TAFA2: variants seen among roughly 807,000 people sequenced by gnomAD.
TAFA2 encodes TAFA chemokine like family member 2.
In TAFA2, 7 loss-of-function variants were observed where a neutral mutation model predicts 18.8. The observed-to-expected ratio is 0.37, with a 90% CI of 0.21 to 0.70. The LOEUF (loss-of-function observed/expected upper bound fraction) is 0.70. Ranked by LOEUF, TAFA2 falls within the 30% of genes least tolerant of loss-of-function variation. TAFA2 has a pLI of 0.53. For missense variants in TAFA2, 122 were observed against 158.1 expected, an observed-to-expected ratio of 0.77 and a Z score of 1.23; for synonymous variants, 60 against 54.2, an observed-to-expected ratio of 1.11 and a Z score of -0.47.
At chr12:61,917,387 C>T (rs1437732689) in intron 1 of TAFA2, among the ~76,000 whole-genome samples, 1 of 152,112 alleles carries the variant, frequency 6.6e-6, no homozygotes, top group East Asian at 1.9e-4. Context: ...TTATATCCAG[C>T]TCTTTGTGTA....
At chr12:62,120,252 T>C (rs1870133910) in intron 1 of TAFA2, among the ~76,000 whole-genome samples, 1 of 152,202 alleles carries the variant, frequency 6.6e-6, no homozygotes, top group Non-Finnish European at 1.5e-5. Context: ...ACAACTGATA[T>C]ACCCACAAAT....
At chr12:61,962,864 A>G (rs1034441549) in intron 1 of TAFA2, among the ~76,000 whole-genome samples, 3 of 151,892 alleles carry the variant, frequency 2.0e-5, no homozygotes, top group African/African-American at 4.8e-5. Context: ...CCCATCATCT[A>G]CATTAGGTAT....
At chr12:61,905,627 C>T (rs940233815) in intron 1 of TAFA2, among the ~76,000 whole-genome samples, 2 of 152,082 alleles carry the variant, frequency 1.3e-5, no homozygotes, top group African/African-American at 4.8e-5. Flanking sequence ...ATCATTGTTA[C>T]ATATATCAAA....
At chr12:61,795,554 G>A (rs1254443516) in intron 2 of TAFA2, among the ~76,000 whole-genome samples, 1 of 151,940 alleles carries the variant, frequency 6.6e-6, no homozygotes, top group Non-Finnish European at 1.5e-5. Context: ...CACAGGAAGG[G>A]GAACAACACA....
chr12:61,950,280 C>T (rs1878420200), intron 1 of TAFA2, among the ~76,000 whole-genome samples: 2 of 152,064 alleles, frequency 1.3e-5, no homozygotes, highest in African/African-American at 4.8e-5. Context: ...GGTCTATACC[C>T]AAAAACAAAA....
chr12:62,224,659 A>G (rs1243666920), intron 1 of TAFA2, among the ~76,000 whole-genome samples: 1 of 151,834 alleles, frequency 6.6e-6, no homozygotes, highest in Non-Finnish European at 1.5e-5. Flanking sequence ...ATTAAAATTC[A>G]TAGACACAAA....
intron 1 of TAFA2, among the ~76,000 whole-genome samples, chr12:62,201,079 G>A (rs1001956349): frequency 6.6e-6 from 1 of 152,082 alleles, no homozygotes; most frequent in Non-Finnish European, 1.5e-5. Context: ...TGTGATTTTT[G>A]TATGTTTATT....
intron 2 of TAFA2, among the ~76,000 whole-genome samples, chr12:61,786,872 A>C (rs1390334024): frequency 6.6e-6 from 1 of 151,630 alleles, no homozygotes; most frequent in Non-Finnish European, 1.5e-5. Context: ...AAAAAGTTAT[A>C]GCTAACAAGC....
intron 1 of TAFA2, among the ~76,000 whole-genome samples, chr12:61,947,661 T>TA (rs1347452098): frequency 6.6e-6 from 1 of 152,112 alleles, no homozygotes; most frequent in African/African-American, 2.4e-5. Flanking sequence ...TTCAAAGTTC[T>TA]ACTCCAACAA....
intron 1 of TAFA2, among the ~76,000 whole-genome samples, chr12:62,249,510 C>T (rs1189436223): frequency 6.6e-6 from 1 of 152,130 alleles, no homozygotes; most frequent in East Asian, 1.9e-4. Context: ...CACCTCTCCC[C>T]ACGCTCTCCC....
intron 1 of TAFA2, among the ~76,000 whole-genome samples, chr12:62,103,348 A>C (rs1869292633): frequency 6.6e-6 from 1 of 152,140 alleles, no homozygotes; most frequent in Non-Finnish European, 1.5e-5. Flanking sequence ...TCACACACTT[A>C]CCCCATCAGA....
rs772041207 is a variant in TAFA2, at chr12:61,753,625, A to C, written c.381T>G (p.Thr127=). Residue 127 remains threonine, a synonymous_variant, in exon 4 of 5, where the codon ACT becomes ACG. Coordinates refer to ENST00000416284, the MANE Select transcript of TAFA2 (RefSeq NM_178539.5). ...CCCAAGCTTGCTGTCCACTTACCCT[A>C]GTTGTTTTGACTTTATTCCCAGAGG... is the stretch of plus-strand genomic sequence containing the variant. ...SCSSGNKVKT[T]RVTH 18 of 1,611,616 alleles carry C rather than the reference A, an allele frequency of 1.1e-5. No individual in the cohort carries two copies. The highest frequency in any genetic ancestry group is 1.5e-5 in the Non-Finnish European group (18 of 1,178,552).
intron 1 of TAFA2, among the ~76,000 whole-genome samples, chr12:61,940,780 G>C (rs1355827813): frequency 6.6e-6 from 1 of 152,166 alleles, no homozygotes; most frequent in Non-Finnish European, 1.5e-5. Flanking sequence ...GTGTAGAATG[G>C]AGGAAGAAGG....
chr12:61,713,384 G>A (rs1869503869), intron 4 of TAFA2, among the ~76,000 whole-genome samples: 1 of 152,192 alleles, frequency 6.6e-6, no homozygotes, highest in African/African-American at 2.4e-5. Context: ...GAGACTGCAT[G>A]ATTCACAAAT....
intron 2 of TAFA2, among the ~76,000 whole-genome samples, chr12:61,779,018 T>G (rs1870392540): frequency 6.6e-6 from 1 of 151,870 alleles, no homozygotes; most frequent in Non-Finnish European, 1.5e-5. Context: ...AATCTTTCTG[T>G]AAATAAAAGG....
intron 1 of TAFA2, among the ~76,000 whole-genome samples, chr12:62,113,797 G>T (rs141949915): frequency 0.018 from 2,722 of 152,224 alleles, 78 homozygotes; most frequent in African/African-American, 0.06. Flanking sequence ...CAATGTGAGG[G>T]AAAAACCACC....
chr12:62,096,204 C>A (rs1868941907), intron 1 of TAFA2, among the ~76,000 whole-genome samples: 1 of 152,082 alleles, frequency 6.6e-6, no homozygotes, highest in Non-Finnish European at 1.5e-5. Flanking sequence ...AACTCCCCTG[C>A]TGGATCTGGG....
intron 1 of TAFA2, among the ~76,000 whole-genome samples, chr12:62,221,216 G>GGAAGGAA (rs758941151): frequency 0.033 from 2,584 of 78,876 alleles, 195 homozygotes; most frequent in African/African-American, 0.1. Context: ...GAAGGAAGGG[G>GGAAGGAA]GGAAGGAAGG....
chr12:62,210,982 T>C (rs1034073329), intron 1 of TAFA2, among the ~76,000 whole-genome samples: 2 of 151,412 alleles, frequency 1.3e-5, no homozygotes, highest in Admixed American at 6.6e-5. Flanking sequence ...AATATCTAGC[T>C]GGAAAACTGA....
Sources: gnomAD v4.1 joint callset for allele counts (sites outside exome capture counted in the v4.1 genomes callset) on GRCh38, gnomAD v4.1.1 for gene constraint, MANE v1.5 for transcripts, NCBI Gene and HGNC (gene_info 2026-07-23, HGNC 2026-07-21) for gene names.